MROH2B: variants seen among roughly 807,000 people sequenced by gnomAD.
MROH2B encodes maestro heat-like repeat-containing protein family member 2B.
In MROH2B, 177 loss-of-function variants were observed where a neutral mutation model predicts 208.6. The observed-to-expected ratio is 0.85, with a 90% CI of 0.75 to 0.96. The LOEUF is 0.96. Ranked by LOEUF, MROH2B falls within the 40% of genes least tolerant of loss-of-function variation. The pLI is 0.00. For synonymous variants in MROH2B, 728 were observed against 659.0 expected, an observed-to-expected ratio of 1.10 and a Z score of -1.60; for missense variants, 2,002 against 1,878.7, an observed-to-expected ratio of 1.07 and a Z score of -1.21.
chr5:41,025,064 A>T, intron 24 of MROH2B, among the ~76,000 whole-genome samples: 1 of 152,224 alleles, frequency 6.6e-6, no homozygotes, highest in East Asian at 1.9e-4. Context: ...ATAGCACTAA[A>T]TGCCCACAAC....
intron 21 of MROH2B, among the ~76,000 whole-genome samples, chr5:41,038,126 CAT>C (rs1194744082): frequency 1.3e-5 from 2 of 152,076 alleles, no homozygotes; most frequent in Non-Finnish European, 1.5e-5. Context: ...TGATGAATGA[CAT>C]ATTTTATTCA....
chr5:41,025,827 G>A (rs1487712651), intron 24 of MROH2B, among the ~76,000 whole-genome samples: 1 of 152,132 alleles, frequency 6.6e-6, no homozygotes, highest in African/African-American at 2.4e-5. Flanking sequence ...ACATCAAAAA[G>A]CTTATCCACC....
At chr5:41,019,099 T>C in intron 24 of MROH2B, 81 bp from the exon 25 acceptor site, 1 of 1,557,910 alleles carries the variant, frequency 6.4e-7, no homozygotes, top group South Asian at 1.2e-5. Flanking sequence ...GAACTGCCAA[T>C]CACATCTGAC....
chr5:41,039,022 T>C (rs1206886690), intron 20 of MROH2B, 134 bp from the exon 21 acceptor site: 2 of 791,530 alleles, frequency 2.5e-6, no homozygotes, highest in Non-Finnish European at 3.9e-6. Flanking sequence ...AAGTCTAAAA[T>C]GAATATACTC....
chr5:41,055,982 T>C (rs575561576), intron 9 of MROH2B, 127 bp from the exon 10 acceptor site: 3 of 678,104 alleles, frequency 4.4e-6, no homozygotes, highest in East Asian at 5.3e-5. Flanking sequence ...TTTGATTTTA[T>C]TACGTCCATG....
rs896053805 is a variant in MROH2B, at chr5:41,052,560, G to A, written c.1135C>T (p.Gln379Ter). The change falls in exon 12 of 42, where the codon CAA (glutamine) becomes TAA (stop). Residue 379 changes from glutamine (Q) to a stop codon, truncating the protein, a stop_gained. Transcript: ENST00000399564. LOFTEE classifies it high-confidence loss of function. ...ATATAGGACTTTTCACACATGGTTT[G>A]GATGAGGAGAAGAACAGAATTTCTT... ...KVRNSVLLLIQTMCEKSYIEA... is the reference protein window; with the variant it reads ...KVRNSVLLLI The A allele has an allele frequency of 4.3e-6, 7 of 1,610,984 alleles. No homozygotes were observed. Among genetic ancestry groups the A allele is most frequent in the Non-Finnish European group, 5.9e-6 (7 of 1,178,300 alleles).
chr5:41,025,577 T>C (rs1409476557), intron 24 of MROH2B, among the ~76,000 whole-genome samples: 1 of 152,038 alleles, frequency 6.6e-6, no homozygotes, highest in Non-Finnish European at 1.5e-5. Context: ...CAGGACCAGA[T>C]GGATTCACAG....
At chr5:41,022,018 G>A (rs934447270) in intron 24 of MROH2B, among the ~76,000 whole-genome samples, 2 of 152,198 alleles carry the variant, frequency 1.3e-5, no homozygotes, top group African/African-American at 2.4e-5. Context: ...AAATTTTATT[G>A]AGTATATTTA....
rs145967542 is a variant in MROH2B, at chr5:41,001,915, A to G, written c.4195-1082T>C. ...CATATGAACAAAAAGGGATTAAAGA[A>G]AAAGCAGTCCTGAATAGCAGAATAT... On this transcript the variant is annotated intron_variant, in intron 37 of 41. Coordinates refer to ENST00000399564, the MANE Select transcript of MROH2B (RefSeq NM_173489.5). Among the ~76,000 whole-genome samples, 289 of 152,266 alleles carry G rather than the reference A, an allele frequency of 1.9e-3. 2 individuals carry two copies. The highest frequency in any genetic ancestry group is 6.6e-3 in the African/African-American group (273 of 41,556).
chr5:41,046,740 C>T (rs978807707), intron 17 of MROH2B, among the ~76,000 whole-genome samples: 3 of 151,988 alleles, frequency 2.0e-5, no homozygotes, highest in Admixed American at 6.6e-5. Context: ...ATATTTTTCT[C>T]CCTAGTAAAG....
chr5:41,048,311 CA>C lies in MROH2B; in HGVS notation c.1684+12del. On this transcript the variant is annotated intron_variant, in intron 16 of 41. Transcript: ENST00000399564. Reference sequence around the variant, plus strand: ...TGCCCCCTGGGTAAAGACCTGGCCCCAATCCCTTGTACCTTCCAGAGGCTGC... The same window carrying C: ...TGCCCCCTGGGTAAAGACCTGGCCCCATCCCTTGTACCTTCCAGAGGCTGC... 6.2e-7 allele frequency: 1 copy of C among 1,603,194 alleles called. No individual in the cohort carries two copies. The highest frequency in any genetic ancestry group is 1.1e-5 in the South Asian group (1 of 88,968).
At chr5:41,061,495 C>T in intron 6 of MROH2B, 75 bp downstream of exon 6, 1 of 1,271,308 alleles carries the variant, frequency 7.9e-7, no homozygotes, top group Admixed American at 2.8e-5. Context: ...GCCTAATTAT[C>T]ATGTCACAAA....
At chr5:40,998,413 T>C (rs2271706) in intron 41 of MROH2B, among the ~76,000 whole-genome samples, 199 bp downstream of exon 41, 22 of 152,202 alleles carry the variant, frequency 1.4e-4, no homozygotes, top group Non-Finnish European at 3.1e-4. Flanking sequence ...AGTCTATTGG[T>C]GTTTCTGATG....
At chr5:41,024,640 A>C (rs549148389) in intron 24 of MROH2B, among the ~76,000 whole-genome samples, 1 of 152,340 alleles carries the variant, frequency 6.6e-6, no homozygotes, top group Non-Finnish European at 1.5e-5. Context: ...ACAGAAAGTT[A>C]ACAAGGATAT....
At chr5:41,014,892 G>T (rs1741886931) in intron 29 of MROH2B, among the ~76,000 whole-genome samples, 1 of 152,114 alleles carries the variant, frequency 6.6e-6, no homozygotes, top group Non-Finnish European at 1.5e-5. Context: ...TAAGATACAA[G>T]CTCAGTGAAA....
intron 24 of MROH2B, among the ~76,000 whole-genome samples, chr5:41,024,595 A>T (rs1400765551): frequency 1.3e-5 from 2 of 152,210 alleles, no homozygotes; most frequent in Admixed American, 6.5e-5. Flanking sequence ...GGGAGACTGT[A>T]ACACCCCACT....
intron 36 of MROH2B, 120 bp downstream of exon 36, chr5:41,004,654 C>A: frequency 6.6e-7 from 1 of 1,518,616 alleles, no homozygotes; most frequent in East Asian, 2.3e-5. Context: ...GAAGGACTAC[C>A]ACTTCAGCAA....
intron 1 of MROH2B, among the ~76,000 whole-genome samples, 199 bp from the exon 2 acceptor site, chr5:41,069,951 T>C (rs1294910913): frequency 6.6e-6 from 1 of 152,220 alleles, no homozygotes; most frequent in Non-Finnish European, 1.5e-5. Context: ...TAAGTTATTA[T>C]TATTTTTGAA....
chr5:41,006,229 GA>G (rs546786426), intron 34 of MROH2B, among the ~76,000 whole-genome samples: 2 of 151,822 alleles, frequency 1.3e-5, no homozygotes, highest in South Asian at 4.2e-4. Context: ...CAAACATATG[GA>G]AAAATGCTTA....
Sources: allele counts gnomAD v4.1 joint callset (sites outside exome capture counted in the v4.1 genomes callset), GRCh38; gene constraint gnomAD v4.1.1; transcripts MANE v1.5; gene names NCBI Gene and HGNC (gene_info 2026-07-23, HGNC 2026-07-21).